MYO9B: variants seen among roughly 807,000 people sequenced by gnomAD.
MYO9B encodes the protein unconventional myosin-IXb.
MYO9B carries 71 observed loss-of-function variants against 229.5 expected under a neutral mutation model. The ratio of observed to expected loss-of-function variants is 0.31; its 90% CI spans 0.26 to 0.38. The LOEUF (loss-of-function observed/expected upper bound fraction) is 0.38. Ranked by LOEUF, MYO9B falls within the 10% of genes least tolerant of loss-of-function variation. The pLI, the probability that MYO9B is intolerant of heterozygous loss-of-function variation, is 1.00. For synonymous variants in MYO9B, 1,185 were observed against 1,235.8 expected (o/e 0.96, Z 0.86); for missense variants, 2,255 against 2,920.5 (o/e 0.77, Z 5.25).
intron 37 of MYO9B, 119 bp downstream of exon 37, chr19:17,210,499 G>A: frequency 1.5e-6 from 2 of 1,333,568 alleles, no homozygotes; most frequent in South Asian, 1.5e-5. Flanking sequence ...TTCCGGAAGT[G>A]CATGCTGGGG....
chr19:17,201,866 C>T, intron 26 of MYO9B, 60 bp from the exon 27 acceptor site: 1 of 1,315,700 alleles, frequency 7.6e-7, no homozygotes, highest in South Asian at 1.2e-5. Context: ...TTGGGCACCT[C>T]CTCGGGTACG....
chr19:17,087,737 CTGACTAAT>C (rs1391323597), intron 1 of MYO9B, among the ~76,000 whole-genome samples: 1 of 152,120 alleles, frequency 6.6e-6, no homozygotes, highest in South Asian at 2.1e-4. Flanking sequence ...CACGACCAGC[CTGACTAAT>C]GTGGTGAAAC....
chr19:17,163,095 C>T lies in MYO9B; in HGVS notation c.1644C>T (p.Phe548=). ...NYANEQLQYY[F]NQHIFKLEQE... Reference sequence around the variant, plus strand: ...CCAATGAGCAGCTGCAGTATTACTTCAACCAGCACATCTTCAAGCTGGAGC... The same window carrying T: ...CCAATGAGCAGCTGCAGTATTACTTTAACCAGCACATCTTCAAGCTGGAGC... Residue 548 remains phenylalanine (F), a synonymous_variant, in exon 10 of 40, where the codon TTC becomes TTT. Transcript: ENST00000682292. 1 of 1,562,768 alleles carries T rather than the reference C, an allele frequency of 6.4e-7. No individual in the cohort carries two copies. The highest frequency in any genetic ancestry group is 2.4e-5 in the East Asian group (1 of 42,080).
chr19:17,192,701 G>T, intron 20 of MYO9B, 45 bp from the exon 21 acceptor site: 1 of 1,473,106 alleles, frequency 6.8e-7, no homozygotes, highest in Middle Eastern at 2.2e-4. Flanking sequence ...CAGAGATGGT[G>T]TCAGGGGCAG....
Position 17,210,492 on chromosome 19 carries a change from C to T in MYO9B, c.5796+112C>T, listed in dbSNP as rs77262281. 41 of 1,357,398 alleles carry T rather than the reference C, an allele frequency of 3.0e-5. No homozygotes were observed. The African/African-American group carries it at 3.8e-4, about 13-fold the overall frequency. 84.1% of individuals were successfully genotyped at this position (1,357,398 alleles called of 1,614,324 possible). On this transcript the variant is annotated intron_variant, in intron 37 of 39. Coordinates refer to ENST00000682292, the MANE Select transcript of MYO9B (RefSeq NM_004145.4). ...ATAGACAGAGCCTGTCCTAACCTTC[C>T]GGAAGTGCATGCTGGGGAGGCCCCT...
chr19:17,125,987 G>A (rs917152473), intron 2 of MYO9B, among the ~76,000 whole-genome samples: 8 of 152,228 alleles, frequency 5.3e-5, no homozygotes, highest in African/African-American at 1.9e-4. Flanking sequence ...GGGGTGTGGG[G>A]AGTCCTGTCT....
chr19:17,114,194 G>A (rs115245392), intron 2 of MYO9B, among the ~76,000 whole-genome samples: 117 of 152,344 alleles, frequency 7.7e-4, no homozygotes, highest in African/African-American at 2.7e-3. Context: ...AGATTTCATT[G>A]TAACAGATGG....
intron 35 of MYO9B, 121 bp downstream of exon 35, chr19:17,207,365 T>A (rs1480081324): frequency 7.4e-7 from 1 of 1,344,372 alleles, no homozygotes; most frequent in Non-Finnish European, 1.0e-6. Flanking sequence ...AGTGCAGCGG[T>A]TCACACCTGT....
intron 11 of MYO9B, among the ~76,000 whole-genome samples, chr19:17,171,146 T>C (rs1328876659): frequency 6.6e-6 from 1 of 152,234 alleles, no homozygotes; most frequent in Non-Finnish European, 1.5e-5. Flanking sequence ...TTCATAGCTA[T>C]AGACTCTCCC....
chr19:17,143,601 G>C (rs1023010386), intron 2 of MYO9B, among the ~76,000 whole-genome samples: 3 of 152,188 alleles, frequency 2.0e-5, no homozygotes, highest in African/African-American at 7.2e-5. Flanking sequence ...GCCTCCTGGA[G>C]GGTGGGAGGA....
intron 36 of MYO9B, 99 bp downstream of exon 36, chr19:17,209,808 G>A (rs2073205389): frequency 1.3e-5 from 18 of 1,407,866 alleles, no homozygotes; most frequent in Non-Finnish European, 1.5e-5. Context: ...GAAGGCTGGT[G>A]AGTGGGGTCT....
rs762890620 is a variant in MYO9B at position 17,181,059 on chromosome 19, C to G, written c.2333+19C>G. On this transcript the variant is annotated intron_variant, in intron 15 of 39. Coordinates refer to ENST00000682292, the MANE Select transcript of MYO9B (RefSeq NM_004145.4). Reference sequence around the variant, plus strand: ...TCATCCTGTGAGTCCCCCACCAAGGCCCTGCTTACAAGTGCGACAACCGCC... The same window carrying G: ...TCATCCTGTGAGTCCCCCACCAAGGGCCTGCTTACAAGTGCGACAACCGCC... 2 of 1,561,786 alleles carry G rather than the reference C, an allele frequency of 1.3e-6. No homozygotes were observed. The highest frequency in any genetic ancestry group is 2.3e-5 in the South Asian group (2 of 87,898).
At chr19:17,106,322 A>G (rs1384991211) in intron 2 of MYO9B, among the ~76,000 whole-genome samples, 1 of 152,098 alleles carries the variant, frequency 6.6e-6, no homozygotes, top group African/African-American at 2.4e-5. Context: ...CTGTGTGAGC[A>G]TTTGCTGTGT....
At chr19:17,137,772 C>CT (rs2072289442) in intron 2 of MYO9B, among the ~76,000 whole-genome samples, 1 of 151,972 alleles carries the variant, frequency 6.6e-6, no homozygotes, top group Non-Finnish European at 1.5e-5. Flanking sequence ...GAAACAGAGT[C>CT]TCGCTCTGTC....
intron 1 of MYO9B, among the ~76,000 whole-genome samples, chr19:17,083,644 T>A (rs1005419747): frequency 3.7e-5 from 4 of 107,744 alleles, no homozygotes; most frequent in African/African-American, 1.5e-4. Flanking sequence ...GATGCTGCCC[T>A]CTTTTTTTTT....
At chr19:17,211,516 C>T in intron 38 of MYO9B, 131 bp from the exon 39 acceptor site, 1 of 859,084 alleles carries the variant, frequency 1.2e-6, no homozygotes, top group East Asian at 2.8e-5. Flanking sequence ...CTCAAGCAAT[C>T]CTCCTGCTTG....
intron 1 of MYO9B, among the ~76,000 whole-genome samples, chr19:17,099,905 G>A (rs1038801473): frequency 1.3e-5 from 2 of 151,286 alleles, no homozygotes; most frequent in African/African-American, 4.9e-5. Flanking sequence ...ATCACCTGAG[G>A]TCAGGAGTTC....
At chr19:17,201,840 G>A (rs923069521) in intron 26 of MYO9B, 86 bp from the exon 27 acceptor site, 2 of 926,302 alleles carry the variant, frequency 2.2e-6, no homozygotes, top group African/African-American at 1.7e-5. Context: ...ACTTAAGAGA[G>A]GATAGAAGTG....
In MYO9B at chr19:17,193,907, TC is replaced by T. The variant is rs969062995; in HGVS notation, c.3129-648del. Among the ~76,000 whole-genome samples the T allele has an allele frequency of 3.2e-4, 49 of 151,900 alleles. No homozygotes were observed. The highest frequency in any genetic ancestry group is 2.5e-3 in the Admixed American group (38 of 15,272). On this transcript the variant is annotated intron_variant, in intron 21 of 39. Transcript: ENST00000682292. This position sits in a 1 kb window ranked among gnomAD's most constrained non-coding sequence, Gnocchi z 4.3. ...AGCAAAACAGGCTGGGCATAGTGGC[TC>T]ACACCTGTAAGGCCAGCACTTTGGG...
Sources: allele counts gnomAD v4.1 joint callset (sites outside exome capture counted in the v4.1 genomes callset), GRCh38; gene constraint gnomAD v4.1.1; non-coding constraint Gnocchi (gnomAD v3.1); transcripts MANE v1.5; gene names NCBI Gene and HGNC (gene_info 2026-07-23, HGNC 2026-07-21).